The following FOXJ3 variants were observed in gnomAD, a reference collection of about 807,000 sequenced individuals.
FOXJ3 encodes forkhead box J3.
FOXJ3 carries 22 observed loss-of-function variants against 76.1 expected under a neutral mutation model. That is an observed-to-expected ratio of 0.29 (90% CI 0.21 to 0.41). The LOEUF is 0.41. FOXJ3 is among the 10% of genes least tolerant of loss of function. FOXJ3 has a pLI of 1.00. For missense variants in FOXJ3, 613 were observed against 762.1 expected (o/e 0.80, Z 2.30); for synonymous variants, 269 against 261.2 (o/e 1.03, Z -0.29).
At chr1:42,246,631 T>TA (rs758386607) in intron 4 of FOXJ3, among the ~76,000 whole-genome samples, 1,473 of 136,654 alleles carry the variant, frequency 0.011, 11 homozygotes, top group African/African-American at 0.029. Flanking sequence ...TGTTGCTTTC[T>TA]AAAAAAAAAA....
At chr1:42,227,571 T>A (rs1171836110) in intron 5 of FOXJ3, among the ~76,000 whole-genome samples, 1 of 152,220 alleles carries the variant, frequency 6.6e-6, no homozygotes, top group Non-Finnish European at 1.5e-5. Context: ...AATAGTTGTG[T>A]TACATAAAAC....
At chr1:42,249,245 T>C (rs750367815) in intron 4 of FOXJ3, among the ~76,000 whole-genome samples, 13 of 152,164 alleles carry the variant, frequency 8.5e-5, no homozygotes, top group Non-Finnish European at 1.5e-4. Context: ...TATAAAGATA[T>C]GCTGAGTAAA....
intron 5 of FOXJ3, among the ~76,000 whole-genome samples, chr1:42,218,969 C>A (rs937052802): frequency 6.6e-6 from 1 of 152,202 alleles, no homozygotes; most frequent in African/African-American, 2.4e-5. Context: ...AATCCACTTA[C>A]ATTTATATAA....
At chr1:42,279,286 A>ATTT in intron 2 of FOXJ3, among the ~76,000 whole-genome samples, 1 of 152,176 alleles carries the variant, frequency 6.6e-6, no homozygotes, top group African/African-American at 2.4e-5. Flanking sequence ...TTGACCGAAA[A>ATTT]AAGGAATGCA....
intron 3 of FOXJ3, among the ~76,000 whole-genome samples, chr1:42,266,770 C>G (rs915035388): frequency 6.6e-6 from 1 of 152,096 alleles, no homozygotes; most frequent in Non-Finnish European, 1.5e-5. Context: ...AGCCCACCAA[C>G]CTTCCATAGA....
intron 3 of FOXJ3, among the ~76,000 whole-genome samples, chr1:42,268,094 A>C (rs1375195461): frequency 6.6e-6 from 1 of 152,132 alleles, no homozygotes; most frequent in African/African-American, 2.4e-5. Context: ...CAAGACATCA[A>C]CCCAAATATG....
At chr1:42,328,178 C>T (rs2124792412) in intron 1 of FOXJ3, among the ~76,000 whole-genome samples, 1 of 152,258 alleles carries the variant, frequency 6.6e-6, no homozygotes. Flanking sequence ...CACCTCTAGT[C>T]CCAGCCACTT....
chr1:42,261,165 T>C (rs1651000771), intron 4 of FOXJ3, among the ~76,000 whole-genome samples: 1 of 151,082 alleles, frequency 6.6e-6, no homozygotes, highest in Admixed American at 6.6e-5. Flanking sequence ...TTAAGACACA[T>C]GTATGAATTA....
At chr1:42,265,639 CT>C (rs1355195348) in intron 3 of FOXJ3, among the ~76,000 whole-genome samples, 1 of 152,104 alleles carries the variant, frequency 6.6e-6, no homozygotes, top group East Asian at 1.9e-4. Context: ...CTATTTTCTT[CT>C]CTTTACTTTT....
At chr1:42,256,700 T>A (rs533174492) in intron 4 of FOXJ3, among the ~76,000 whole-genome samples, 16 of 152,370 alleles carry the variant, frequency 1.1e-4, no homozygotes, top group African/African-American at 3.8e-4. Context: ...TAACCTTCCA[T>A]CTGCCCTCTG....
chr1:42,251,542 C>T (rs1650048052), intron 4 of FOXJ3, among the ~76,000 whole-genome samples: 1 of 151,998 alleles, frequency 6.6e-6, no homozygotes, highest in African/African-American at 2.4e-5. Context: ...GCCTTTTCTG[C>T]ATCTATTGAG....
At chr1:42,305,248 C>T (rs1557712662) in intron 2 of FOXJ3, among the ~76,000 whole-genome samples, 1 of 152,028 alleles carries the variant, frequency 6.6e-6, no homozygotes, top group East Asian at 1.9e-4. Context: ...ATAACAAATG[C>T]TGGAGAGGAT....
chr1:42,216,234 T>C (rs1358024965), intron 5 of FOXJ3, among the ~76,000 whole-genome samples: 1 of 151,862 alleles, frequency 6.6e-6, no homozygotes, highest in Non-Finnish European at 1.5e-5. Flanking sequence ...AAAAGACTAC[T>C]GTTGCCGGGC....
At chr1:42,266,122 G>C (rs1447140948) in intron 3 of FOXJ3, among the ~76,000 whole-genome samples, 1 of 152,054 alleles carries the variant, frequency 6.6e-6, no homozygotes, top group Admixed American at 6.6e-5. Context: ...ATCATATTTT[G>C]ACATAATATC....
At chr1:42,243,363 A>G (rs943703348) in intron 4 of FOXJ3, among the ~76,000 whole-genome samples, 3 of 152,234 alleles carry the variant, frequency 2.0e-5, no homozygotes, top group Non-Finnish European at 4.4e-5. Context: ...AGCAAGATAT[A>G]AAACAACCAG....
chr1:42,307,124 A>C (rs1161426537), intron 2 of FOXJ3, among the ~76,000 whole-genome samples: 2 of 152,250 alleles, frequency 1.3e-5, no homozygotes. Flanking sequence ...CAGGTTTCAT[A>C]AGAGCCATTT....
rs75542871 is a variant in FOXJ3 at position 42,207,701 on chromosome 1, T to C, written c.529-1838A>G. ...CACCAAGACACATTTTTGAAATTAATCTATCCTTTAATCCCTCAGCATTTT... is the reference window on the plus strand; with the variant it reads ...CACCAAGACACATTTTTGAAATTAACCTATCCTTTAATCCCTCAGCATTTT... On this transcript the variant is annotated intron_variant, in intron 5 of 12. Coordinates refer to ENST00000361346, the MANE Select transcript of FOXJ3 (RefSeq NM_014947.5). 6.5e-3 allele frequency among the ~76,000 whole-genome samples: 986 copies of C among 152,288 alleles called. 11 individuals carry two copies. The highest frequency in any genetic ancestry group is 0.022 in the African/African-American group (933 of 41,552).
chr1:42,301,299 G>A (rs1054902857), intron 2 of FOXJ3, among the ~76,000 whole-genome samples: 11 of 151,878 alleles, frequency 7.2e-5, no homozygotes, highest in African/African-American at 1.4e-4. Flanking sequence ...GGAATCAAGC[G>A]ATTCTCCTGC....
intron 3 of FOXJ3, 30 bp downstream of exon 3, chr1:42,278,318 T>C: frequency 2.1e-6 from 3 of 1,413,916 alleles, no homozygotes; most frequent in Non-Finnish European, 9.9e-7. Flanking sequence ...GCTTACTTCA[T>C]AAAAGTAATA....
Sources: gnomAD v4.1 joint callset for allele counts (sites outside exome capture counted in the v4.1 genomes callset) on GRCh38, gnomAD v4.1.1 for gene constraint, MANE v1.5 for transcripts, NCBI Gene and HGNC (gene_info 2026-07-23, HGNC 2026-07-21) for gene names.